LYZL2: variants seen among roughly 807,000 people sequenced by gnomAD.
The protein encoded by LYZL2 is lysozyme-like protein 2.
LYZL2 carries 13 observed loss-of-function variants against 17.1 expected under a neutral mutation model. The ratio of observed to expected loss-of-function variants is 0.76; its 90% CI spans 0.49 to 1.21. LYZL2 has a LOEUF of 1.21. Among genes scored for constraint, LYZL2 ranks in the 50% most tolerant of loss-of-function variants. The probability of loss-of-function intolerance (pLI) is 0.00; values close to 1 mark genes in which losing one functional copy is unlikely to be tolerated. For missense variants in LYZL2, 166 were observed against 189.2 expected (o/e 0.88, Z 0.72); for synonymous variants, 63 against 74.4 (o/e 0.85, Z 0.79).
chr10:30,623,638 T>C lies in LYZL2; in HGVS notation c.298+2467A>G, dbSNP rs141647722. On this transcript the variant is annotated intron_variant, in intron 3 of 4. Transcript: ENST00000647634. Reference sequence around the variant, plus strand: ...TTACATTCTCCTTATGAGAATCTAATGCCTGATGATCCGTCACTGTCTCCC... The same window carrying C: ...TTACATTCTCCTTATGAGAATCTAACGCCTGATGATCCGTCACTGTCTCCC... Among the ~76,000 whole-genome samples, 857 of 152,332 alleles carry C rather than the reference T, an allele frequency of 5.6e-3. 7 individuals are homozygous for C. Among genetic ancestry groups the C allele is most frequent in the African/African-American group, 0.02 (820 of 41,574 alleles).
downstream of LYZL2, among the ~76,000 whole-genome samples, chr10:30,609,637 C>T (rs78216294): frequency 6.0e-3 from 907 of 152,262 alleles, 10 homozygotes; most frequent in African/African-American, 0.02. Flanking sequence ...CCCCTAATAC[C>T]CAAGAGTCTG....
At chr10:30,616,750 G>A (rs1470324141) in intron 3 of LYZL2, among the ~76,000 whole-genome samples, 8 of 152,174 alleles carry the variant, frequency 5.3e-5, no homozygotes, top group Non-Finnish European at 8.8e-5. Context: ...TAATGAGCCT[G>A]TATTCCGATA....
intron 3 of LYZL2, among the ~76,000 whole-genome samples, chr10:30,617,393 C>T (rs901069544): frequency 5.3e-5 from 8 of 152,042 alleles, no homozygotes; most frequent in Non-Finnish European, 1.0e-4. Flanking sequence ...GAAAGTATGT[C>T]GACCGGGCGC....
intron 3 of LYZL2, among the ~76,000 whole-genome samples, chr10:30,620,338 T>C (rs927138955): frequency 2.6e-5 from 4 of 152,234 alleles, no homozygotes; most frequent in Non-Finnish European, 4.4e-5. Flanking sequence ...TGAGTAACCA[T>C]GGAAGTCTCC....
Position 30,626,950 on chromosome 10 carries a change from A to G in LYZL2, c.-25-10T>C, listed in dbSNP as rs780590788. 1 of 1,612,604 alleles carries G rather than the reference A, an allele frequency of 6.2e-7. No individual in the cohort carries two copies. The highest frequency in any genetic ancestry group is 8.5e-7 in the Non-Finnish European group (1 of 1,179,222). ...CTGCCGGAGACAGAACCTGCCAAAG[A>G]GCCGGAGAACAGGTCAGACGATCTT... On this transcript the variant is annotated splice_polypyrimidine_tract_variant and intron_variant, in intron 1 of 4. Coordinates refer to ENST00000647634, the MANE Select transcript of LYZL2 (RefSeq NM_183058.3).
At chr10:30,629,442 C>T in intron 1 of LYZL2, 151 bp downstream of exon 1, 1 of 649,350 alleles carries the variant, frequency 1.5e-6, no homozygotes, top group South Asian at 3.4e-5. Context: ...TGGTTTCCAT[C>T]CTCTGCCTTA....
At chr10:30,611,575 G>GGAAGGAAGA (rs1838438509), downstream of LYZL2, among the ~76,000 whole-genome samples, 1 of 97,692 alleles carries the variant, frequency 1.0e-5, no homozygotes. Context: ...AGGAAGGAAA[G>GGAAGGAAGA]AAAGAAAGAA....
At position 30,627,454 on chromosome 10, in the gene LYZL2, T is replaced by A. The variant is rs565709530; in HGVS notation, c.-25-514A>T. On this transcript the variant is annotated intron_variant, in intron 1 of 4. Transcript: ENST00000647634. ...TGAAGACCACCAGGATGAAGCCCTTTATGATGATCCACTTCCACTTAACAA... is the reference window on the plus strand; with the variant it reads ...TGAAGACCACCAGGATGAAGCCCTTAATGATGATCCACTTCCACTTAACAA... 2.6e-5 allele frequency among the ~76,000 whole-genome samples: 4 copies of A among 151,948 alleles called. No individual in the cohort carries two copies. The East Asian group carries it at 7.8e-4, about 29-fold the overall frequency.
At chr10:30,616,724 A>G (rs1282682300) in intron 3 of LYZL2, among the ~76,000 whole-genome samples, 1 of 152,176 alleles carries the variant, frequency 6.6e-6, no homozygotes, top group Non-Finnish European at 1.5e-5. Flanking sequence ...CCATAAACCA[A>G]GTTCACACAC....
At chr10:30,616,924 T>C in intron 3 of LYZL2, among the ~76,000 whole-genome samples, 2 of 151,914 alleles carry the variant, frequency 1.3e-5, no homozygotes, top group East Asian at 3.9e-4. Context: ...ATTTTTCTAG[T>C]AATTATTTAC....
intron 4 of LYZL2, 38 bp from the exon 5 acceptor site, chr10:30,612,062 C>T (rs756169514): frequency 1.4e-5 from 23 of 1,606,012 alleles, no homozygotes; most frequent in Admixed American, 3.4e-5. Context: ...CAGAAAGAAG[C>T]GTGACAATCC....
At chr10:30,628,694 G>T (rs1484327555) in intron 1 of LYZL2, among the ~76,000 whole-genome samples, 1 of 152,122 alleles carries the variant, frequency 6.6e-6, no homozygotes, top group African/African-American at 2.4e-5. Context: ...TCTCCCTGGG[G>T]CTGGATTCCT....
downstream of LYZL2, among the ~76,000 whole-genome samples, chr10:30,608,153 G>A (rs1838396402): frequency 6.6e-6 from 1 of 152,154 alleles, no homozygotes. Context: ...CTGTTGCCCA[G>A]GCTGGTCTCC....
downstream of LYZL2, among the ~76,000 whole-genome samples, chr10:30,608,974 G>A (rs1175618745): frequency 6.6e-6 from 1 of 152,054 alleles, no homozygotes; most frequent in African/African-American, 2.4e-5. Context: ...TGAGTAGCTG[G>A]AACTACAGGT....
At chr10:30,620,273 A>C (rs1241520947) in intron 3 of LYZL2, among the ~76,000 whole-genome samples, 1 of 152,244 alleles carries the variant, frequency 6.6e-6, no homozygotes, top group Non-Finnish European at 1.5e-5. Flanking sequence ...GAGTAAGTGC[A>C]CCAAGAGGAT....
chr10:30,607,642 C>A (rs1047127547), downstream of LYZL2, among the ~76,000 whole-genome samples: 1 of 152,130 alleles, frequency 6.6e-6, no homozygotes. Flanking sequence ...CTGTTCAAGG[C>A]AGAGTGCTGT....
At chr10:30,618,473 C>CAGAGATATAG (rs1284018117) in intron 3 of LYZL2, among the ~76,000 whole-genome samples, 2 of 152,182 alleles carry the variant, frequency 1.3e-5, no homozygotes, top group African/African-American at 4.8e-5. Context: ...GGTACCAAAA[C>CAGAGATATAG]AGAGATATAG....
chr10:30,618,145 A>G (rs1471924837), intron 3 of LYZL2, among the ~76,000 whole-genome samples: 1 of 152,086 alleles, frequency 6.6e-6, no homozygotes, highest in East Asian at 1.9e-4. Flanking sequence ...TTCAAGGAGA[A>G]CTACAAACCA....
At chr10:30,622,587 C>A (rs1249948867) in intron 3 of LYZL2, among the ~76,000 whole-genome samples, 1 of 151,754 alleles carries the variant, frequency 6.6e-6, no homozygotes, top group Admixed American at 6.6e-5. Flanking sequence ...AAAGAAAAAA[C>A]TAGTCATATC....
Sources: allele counts gnomAD v4.1 joint callset (sites outside exome capture counted in the v4.1 genomes callset), GRCh38; gene constraint gnomAD v4.1.1; transcripts MANE v1.5; gene names NCBI Gene and HGNC (gene_info 2026-07-23, HGNC 2026-07-21).